Variants in GOLM1 observed in about 807,000 individuals in gnomAD.
GOLM1 encodes the protein golgi membrane protein 1, also known as epididymis luminal protein 46.
Under a neutral mutation model 50.5 loss-of-function variants are expected in GOLM1, and 31 were observed. That is an observed-to-expected ratio of 0.61 (90% CI 0.46 to 0.83). The LOEUF is 0.83. Ranked by LOEUF, GOLM1 falls within the 40% of genes least tolerant of loss-of-function variation. GOLM1 has a pLI of 0.00. For synonymous variants in GOLM1, 178 were observed against 192.8 expected (o/e 0.92, Z 0.64); for missense variants, 491 against 501.3 (o/e 0.98, Z 0.20).
At chr9:86,082,897 A>G (rs1404799477) in intron 1 of GOLM1, among the ~76,000 whole-genome samples, 1 of 152,250 alleles carries the variant, frequency 6.6e-6, no homozygotes, top group Non-Finnish European at 1.5e-5. Context: ...AAACAAGATC[A>G]CACCATTCAC....
At chr9:86,061,696 T>C (rs764613876) in intron 3 of GOLM1, among the ~76,000 whole-genome samples, 2 of 152,196 alleles carry the variant, frequency 1.3e-5, no homozygotes, top group East Asian at 1.9e-4. Flanking sequence ...TGCTGAGTTT[T>C]ATTTAAAGGG....
At chr9:86,034,169 T>C (rs11141186) in intron 8 of GOLM1, among the ~76,000 whole-genome samples, 13,902 of 152,154 alleles carry the variant, frequency 0.091, 778 homozygotes, top group Non-Finnish European at 0.13. Flanking sequence ...TTCACCATAT[T>C]GGCCAGGATG....
At chr9:86,063,907 G>A (rs772911876) in intron 3 of GOLM1, among the ~76,000 whole-genome samples, 14 of 152,212 alleles carry the variant, frequency 9.2e-5, no homozygotes, top group Non-Finnish European at 1.8e-4. Context: ...TCCATGCCTC[G>A]TCTGGTCAGC....
intron 9 of GOLM1, among the ~76,000 whole-genome samples, chr9:86,032,777 G>C (rs929097810): frequency 6.6e-6 from 1 of 152,140 alleles, no homozygotes; most frequent in African/African-American, 2.4e-5. Flanking sequence ...ATGCCTCCTG[G>C]GGAGAAGCAA....
chr9:86,066,820 T>G (rs1834320571), intron 3 of GOLM1, among the ~76,000 whole-genome samples: 1 of 152,122 alleles, frequency 6.6e-6, no homozygotes, highest in South Asian at 2.1e-4. Flanking sequence ...CCCCAAGCAT[T>G]TCAGAGGGCA....
At chr9:86,088,278 T>A (rs1176066621) in intron 1 of GOLM1, among the ~76,000 whole-genome samples, 3 of 151,826 alleles carry the variant, frequency 2.0e-5, no homozygotes, top group Non-Finnish European at 4.4e-5. Context: ...GTGGGATCAG[T>A]GGTGATCTCC....
At chr9:86,055,858 G>A (rs1447185243) in intron 3 of GOLM1, among the ~76,000 whole-genome samples, 1 of 152,150 alleles carries the variant, frequency 6.6e-6, no homozygotes, top group Admixed American at 6.5e-5. Flanking sequence ...CTAGAGATCT[G>A]TTGCACAACA....
intron 1 of GOLM1, among the ~76,000 whole-genome samples, chr9:86,081,612 G>A (rs1197034567): frequency 1.3e-5 from 2 of 152,070 alleles, no homozygotes; most frequent in Non-Finnish European, 2.9e-5. Context: ...TAAATTGGTC[G>A]GGTGCAGTGG....
At chr9:86,092,043 C>T (rs1835200794) in intron 1 of GOLM1, among the ~76,000 whole-genome samples, 1 of 152,164 alleles carries the variant, frequency 6.6e-6, no homozygotes, top group South Asian at 2.1e-4. Context: ...ATGTCTGACA[C>T]TGGCTCCACC....
At chr9:86,074,865 ACT>A (rs534263031) in intron 3 of GOLM1, among the ~76,000 whole-genome samples, 46 of 151,792 alleles carry the variant, frequency 3.0e-4, no homozygotes, top group African/African-American at 1.0e-3. Flanking sequence ...TGTCTTCCTA[ACT>A]CTTTTTAAAG....
intron 5 of GOLM1, among the ~76,000 whole-genome samples, chr9:86,041,513 G>A (rs1833349750): frequency 6.6e-6 from 1 of 152,214 alleles, no homozygotes; most frequent in Non-Finnish European, 1.5e-5. Flanking sequence ...GCCTAACGAT[G>A]CACTGGATGG....
chr9:86,038,851 G>A (rs1833236959), intron 6 of GOLM1, among the ~76,000 whole-genome samples: 1 of 152,052 alleles, frequency 6.6e-6, no homozygotes, highest in African/African-American at 2.4e-5. Context: ...ACTCTGAGAA[G>A]AAAATGTAAC....
chr9:86,082,495 G>A lies in GOLM1; in HGVS notation c.-21-3154C>T, dbSNP rs148898924. On this transcript the variant is annotated intron_variant, in intron 1 of 9. Coordinates refer to ENST00000388712, the MANE Select transcript of GOLM1 (RefSeq NM_016548.4). ...GTGTGATCCCAGCCTCAACTCCTGG[G>A]CTCAAGTGATCCTCCCACCTCAGCT... 7.2e-3 allele frequency among the ~76,000 whole-genome samples: 1,087 copies of A among 151,964 alleles called. 6 individuals carry two copies. Among genetic ancestry groups the A allele is most frequent in the African/African-American group, 0.025 (1,019 of 41,452 alleles).
chr9:86,050,036 G>A (rs1001711340), intron 4 of GOLM1, among the ~76,000 whole-genome samples: 9 of 152,114 alleles, frequency 5.9e-5, no homozygotes, highest in Admixed American at 6.6e-5. Context: ...TTTGAGATAC[G>A]TCCCATCAAT....
intron 3 of GOLM1, among the ~76,000 whole-genome samples, chr9:86,055,084 C>T (rs1833947275): frequency 1.3e-5 from 2 of 152,214 alleles, no homozygotes; most frequent in African/African-American, 2.4e-5. Context: ...AGGCAAACAA[C>T]AGCCTTTTGG....
At chr9:86,044,842 C>T (rs1833482356) in intron 5 of GOLM1, among the ~76,000 whole-genome samples, 1 of 151,918 alleles carries the variant, frequency 6.6e-6, no homozygotes, top group Non-Finnish European at 1.5e-5. Context: ...ATCCCAGCTA[C>T]TCGGGAGGCT....
intron 4 of GOLM1, among the ~76,000 whole-genome samples, chr9:86,047,227 G>A (rs1388270285): frequency 6.6e-6 from 1 of 152,142 alleles, no homozygotes; most frequent in African/African-American, 2.4e-5. Flanking sequence ...GCGGACAAAG[G>A]GCCAAGCTGG....
In GOLM1 at chr9:86,069,560, G is replaced by C. The variant is rs992108448; in HGVS notation, c.309+7852C>G. Among the ~76,000 whole-genome samples, 4 of 152,266 alleles carry C rather than the reference G, an allele frequency of 2.6e-5. No homozygotes were observed. In the East Asian group the frequency reaches 7.7e-4, roughly 29 times the overall value. On this transcript the variant is annotated intron_variant, in intron 3 of 9. Transcript: ENST00000388712. ...TCTGCAGGATTTGGTTCAGATTAAC[G>C]AGACATAATCTAATTAACCCATTAA... is the stretch of plus-strand genomic sequence containing the variant.
chr9:86,082,850 G>A lies in GOLM1; in HGVS notation c.-21-3509C>T, dbSNP rs1004284074. Among the ~76,000 whole-genome samples, 7 of 152,208 alleles carry A rather than the reference G, an allele frequency of 4.6e-5. No individual in the cohort carries two copies. In the East Asian group the frequency reaches 5.8e-4, roughly 13 times the overall value. On this transcript the variant is annotated intron_variant, in intron 1 of 9. Transcript: ENST00000388712. ...ATAGCCGCTATTCTAGATGTTTCTAGATGCATATATAAGCATCAATATATT... is the reference window on the plus strand; with the variant it reads ...ATAGCCGCTATTCTAGATGTTTCTAAATGCATATATAAGCATCAATATATT...
Sources: gnomAD v4.1 joint callset for allele counts (sites outside exome capture counted in the v4.1 genomes callset) on GRCh38, gnomAD v4.1.1 for gene constraint, MANE v1.5 for transcripts, NCBI Gene and HGNC (gene_info 2026-07-23, HGNC 2026-07-21) for gene names.